The following SLC25A35 variants were observed in gnomAD, a reference collection of about 807,000 sequenced individuals.
SLC25A35 encodes solute carrier family 25, member 35.
In SLC25A35, 32 loss-of-function variants were observed where a neutral mutation model predicts 30.5. The ratio of observed to expected loss-of-function variants is 1.05; its 90% CI spans 0.79 to 1.41. SLC25A35 has a LOEUF of 1.41. Ranked by LOEUF, SLC25A35 falls within the 40% of genes most tolerant of loss-of-function variation. The pLI, the probability that SLC25A35 is intolerant of heterozygous loss-of-function variation, is 0.00. For missense variants in SLC25A35, 369 were observed against 388.0 expected (o/e 0.95, Z 0.41); for synonymous variants, 142 against 158.1 (o/e 0.90, Z 0.77).
At chr17:8,289,976 G>A, downstream of SLC25A35, 1 of 1,612,998 alleles carries the variant, frequency 6.2e-7, no homozygotes, top group Non-Finnish European at 8.5e-7. Context: ...AGAACTTGGG[G>A]ACTCGGTTCT....
chr17:8,294,870 C>T lies in SLC25A35; in HGVS notation c.-63G>A. 1 of 1,514,634 alleles carries T rather than the reference C, an allele frequency of 6.6e-7. No homozygotes were observed. The allele number at this position is 1,514,634 out of a possible 1,614,324, so 93.8% of individuals were successfully genotyped here. A position where few individuals can be genotyped will look rare whatever the true frequency, so the allele number is the denominator to read the frequency against. On this transcript the variant is annotated 5_prime_UTR_variant, in exon 1 of 5. Coordinates refer to ENST00000577745, the MANE Select transcript of SLC25A35 (RefSeq NM_001320870.2). ...GAAAGTAAAAATGGGTGTCAGAAAG[C>T]GGGGTTGGAAGACAGGGGGAAGGCC...
In SLC25A35 at chr17:8,290,633, G is replaced by A. The variant is rs555674428; in HGVS notation, c.775C>T (p.Arg259Trp). 8.4e-6 allele frequency: 13 copies of A among 1,544,502 alleles called. No individual in the cohort carries two copies. The highest frequency in any genetic ancestry group is 1.9e-5 in the Admixed American group (1 of 51,504). Residue 259 changes from arginine to tryptophan, a missense_variant, in exon 5 of 5, where the codon CGG (arginine) becomes TGG (tryptophan). Physicochemically the swap from Arg to Trp is moderately radical, Grantham distance 101. Transcript: ENST00000577745. ...GILDALLQTA[R>W]TEGIFGMYKG... Reference sequence around the variant, plus strand: ...TACATGCCAAAAATGCCCTCGGTCCGAGCTGTCTGCAGCAGAGCGTCCAGT... The same window carrying A: ...TACATGCCAAAAATGCCCTCGGTCCAAGCTGTCTGCAGCAGAGCGTCCAGT...
chr17:8,294,933 G>A lies in SLC25A35; in HGVS notation c.-126C>T, dbSNP rs547974984. The stretch of plus-strand genomic sequence containing the variant: ...ACAGGTTGCAGAAGATAAGAATTTA[G>A]ATTTGCAGTCAAGGGTGTCAGGGTC... On this transcript the variant is annotated 5_prime_UTR_variant, in exon 1 of 5. Coordinates refer to ENST00000577745, the MANE Select transcript of SLC25A35 (RefSeq NM_001320870.2). The A allele has an allele frequency of 4.2e-4, 612 of 1,460,890 alleles. 5 individuals carry two copies. The South Asian group carries it at 8.5e-3, about 20-fold the overall frequency. The allele number at this position is 1,460,890 out of a possible 1,614,324, so 90.5% of individuals were successfully genotyped here.
chr17:8,288,519 C>G (rs958559887), downstream of SLC25A35: 34 of 559,446 alleles, frequency 6.1e-5, no homozygotes, highest in Non-Finnish European at 9.0e-5. Context: ...GACCCTAACC[C>G]TAAGTCCAAC....
rs1990482098 is a variant in SLC25A35, at chr17:8,291,326, G to A, written c.594+7C>T. ...CGAAACAGACCCACCCATTTCCCAG[G>A]CAGTACCTCCCACTGGCTCAGGAGG... On this transcript the variant is annotated splice_region_variant and intron_variant, in intron 3 of 4. Coordinates refer to ENST00000577745, the MANE Select transcript of SLC25A35 (RefSeq NM_001320870.2). 1 of 1,613,912 alleles carries A rather than the reference G, an allele frequency of 6.2e-7. No individual in the cohort carries two copies. Among genetic ancestry groups the A allele is most frequent in the African/African-American group, 1.3e-5 (1 of 75,050 alleles).
At chr17:8,288,147 C>T (rs186769972), downstream of SLC25A35, 432 of 158,792 alleles carry the variant, frequency 2.7e-3, no homozygotes, top group Middle Eastern at 0.01. Context: ...TTGAAAAGGA[C>T]GAGGAGGCCA....
rs760761675 is a variant in SLC25A35 at position 8,291,437 on chromosome 17, C to T, written c.490G>A (p.Gly164Arg). The change falls in exon 3 of 5, where the codon GGG becomes AGG. Residue 164 changes from glycine to arginine, a missense_variant. Transcript: ENST00000577745. The part of the protein sequence containing the change: ...TEIGQKHGLV[G>R]LWRGALGGLP... The stretch of plus-strand genomic sequence containing the variant: ...CCGCCCAGAGCCCCACGCCATAACC[C>T]CACCAGACCATGTTTCTGGCCAATC... 3 of 1,614,060 alleles carry T rather than the reference C, an allele frequency of 1.9e-6. No homozygotes were observed. The South Asian group carries it at 3.3e-5, about 18-fold the overall frequency.
Position 8,290,581 on chromosome 17 carries a change from C to T in SLC25A35, c.827G>A (p.Arg276His), listed in dbSNP as rs539860547. The T allele has an allele frequency of 6.8e-5, 105 of 1,536,154 alleles. No homozygotes were observed. The highest frequency in any genetic ancestry group is 6.3e-4 in the South Asian group (53 of 84,116). ...GGAGAGGATGGTGTGGGGGCCGAGG[C>T]GGAAGTAGGAGGCACCTATACCCTT... ...MYKGIGASYF[R>H]LGPHTILSLF... The change falls in exon 5 of 5, where the codon CGC becomes CAC. Residue 276 changes from arginine (R) to histidine (H), a missense_variant. By Grantham distance (29) the Arg-to-His change is conservative. Coordinates refer to ENST00000577745, the MANE Select transcript of SLC25A35 (RefSeq NM_001320870.2).
Position 8,290,530 on chromosome 17 carries a change from G to A in SLC25A35, c.878C>T (p.Ser293Phe). The A allele has an allele frequency of 6.5e-7, 1 of 1,536,054 alleles. No homozygotes were observed. The highest frequency in any genetic ancestry group is 8.7e-7 in the Non-Finnish European group (1 of 1,146,864). ...LSLFFWDQLRSLYYTDTK is the reference protein window; with the variant it reads ...LSLFFWDQLRFLYYTDTK ...TTATTTAGTGTCTGTGTAGTAGAGGGAGCGCAGCTGGTCCCAGAAGAAGAG... is the reference window on the plus strand; with the variant it reads ...TTATTTAGTGTCTGTGTAGTAGAGGAAGCGCAGCTGGTCCCAGAAGAAGAG... Residue 293 changes from serine to phenylalanine, a missense_variant, in exon 5 of 5, where the codon TCC becomes TTC. Transcript: ENST00000577745.
chr17:8,288,971 C>A (rs748020058), downstream of SLC25A35: 1 of 1,614,020 alleles, frequency 6.2e-7, no homozygotes, highest in Non-Finnish European at 8.5e-7. Flanking sequence ...TCCGACCGGT[C>A]CCGGACAATC....
rs1190325091 is a variant in SLC25A35, at chr17:8,292,508, C to T, written c.441+15G>A. On this transcript the variant is annotated intron_variant, in intron 2 of 4. Transcript: ENST00000577745. The stretch of plus-strand genomic sequence containing the variant: ...AAGGATGGTCAGGGACTTTGGCAGA[C>T]TTGGGAACCCTCACCTGATGCTTAT... 2 of 1,613,860 alleles carry T rather than the reference C, an allele frequency of 1.2e-6. No individual in the cohort carries two copies. The highest frequency in any genetic ancestry group is 2.2e-5 in the East Asian group (1 of 44,864).
intron 3 of SLC25A35, 125 bp downstream of exon 3, chr17:8,291,208 C>T (rs1990470785): frequency 7.0e-7 from 1 of 1,435,164 alleles, no homozygotes. Flanking sequence ...AAAGAGTTGA[C>T]CTCCAAGCCC....
chr17:8,289,168 G>T, downstream of SLC25A35: 1 of 1,599,506 alleles, frequency 6.3e-7, no homozygotes, highest in African/African-American at 1.3e-5. Context: ...GTGAGACCAC[G>T]CACGGGCCGG....
In SLC25A35 at chr17:8,291,385, G is replaced by T. The variant is rs779663984; in HGVS notation, c.542C>A (p.Ser181Tyr). 2 of 1,614,188 alleles carry T rather than the reference G, an allele frequency of 1.2e-6. No individual in the cohort carries two copies. Among genetic ancestry groups the T allele is most frequent in the Admixed American group, 3.3e-5 (2 of 60,026 alleles). The change falls in exon 3 of 5, where the codon TCC becomes TAC. Residue 181 changes from serine (S) to tyrosine (Y), a missense_variant. Transcript: ENST00000577745. The stretch of plus-strand genomic sequence containing the variant: ...GGATGAGAAGGTGCACAGCTGGGTG[G>T]AGGAACCGACGATAACTCGGGGCAG... ...GGLPRVIVGSSTQLCTFSSTK... is the reference protein window; with the variant it reads ...GGLPRVIVGSYTQLCTFSSTK...
chr17:8,290,925 C>CA lies in SLC25A35; in HGVS notation c.645dup (p.Gly216TrpfsTer12), dbSNP rs776476390. 1 of 1,614,108 alleles carries CA rather than the reference C, an allele frequency of 6.2e-7. No individual in the cohort carries two copies. The highest frequency in any genetic ancestry group is 1.1e-5 in the South Asian group (1 of 91,080). On this transcript the variant is annotated frameshift_variant, in exon 4 of 5. Coordinates refer to ENST00000577745, the MANE Select transcript of SLC25A35 (RefSeq NM_001320870.2). LOFTEE classifies it high-confidence loss of function. ...GCCATGGCCAAGACAACTGCAATGCCACTCATCATGGCAGCCACCAGCGCC... is the reference window on the plus strand; with the variant it reads ...GCCATGGCCAAGACAACTGCAATGCCAACTCATCATGGCAGCCACCAGCGCC...
intron 4 of SLC25A35, 82 bp from the exon 5 acceptor site, chr17:8,290,760 C>T (rs1482134382): frequency 6.2e-7 from 1 of 1,602,040 alleles, no homozygotes; most frequent in African/African-American, 1.3e-5. Context: ...CTACAGGCTG[C>T]ATTTCAGGCT....
At position 8,294,691 on chromosome 17, in the gene SLC25A35, G is replaced by A; in HGVS notation, c.117C>T (p.Tyr39=). The A allele has an allele frequency of 6.2e-7, 1 of 1,614,214 alleles. No individual in the cohort carries two copies. Among genetic ancestry groups the A allele is most frequent in the Non-Finnish European group, 8.5e-7 (1 of 1,180,046 alleles). The change falls in exon 1 of 5, where the codon TAC becomes TAT. Residue 39 remains tyrosine, a synonymous_variant. Coordinates refer to ENST00000577745, the MANE Select transcript of SLC25A35 (RefSeq NM_001320870.2). Reference sequence around the variant, plus strand: ...GGAAGACATTTCGGTAGTGCCGCTGGTATGTGCCAGGGGCCTGCAGTTCTC... The same window carrying A: ...GGAAGACATTTCGGTAGTGCCGCTGATATGTGCCAGGGGCCTGCAGTTCTC... ...LQGELQAPGT[Y]QRHYRNVFHA...
intron 1 of SLC25A35, among the ~76,000 whole-genome samples, chr17:8,293,234 T>TA (rs1308174479): frequency 1.3e-5 from 2 of 152,180 alleles, no homozygotes. Flanking sequence ...CCTTCACCTA[T>TA]ACCAGATAAC....
At chr17:8,290,806 C>A in intron 4 of SLC25A35, 36 bp downstream of exon 4, 1 of 1,607,922 alleles carries the variant, frequency 6.2e-7, no homozygotes, top group Non-Finnish European at 8.5e-7. Context: ...TTCCCCATCC[C>A]CTGCTTCCCG....
Sources: allele counts gnomAD v4.1 joint callset (sites outside exome capture counted in the v4.1 genomes callset), GRCh38; gene constraint gnomAD v4.1.1; transcripts MANE v1.5; gene names NCBI Gene and HGNC (gene_info 2026-07-23, HGNC 2026-07-21).